Variants in DOK7 observed in about 807,000 individuals in gnomAD.
The protein encoded by DOK7 is docking protein 7.
A neutral mutation model predicts 30.7 loss-of-function variants in DOK7; 32 were observed. The ratio of observed to expected loss-of-function variants is 1.04; its 90% CI spans 0.79 to 1.40. DOK7 has a LOEUF of 1.40. Ranked by LOEUF, DOK7 falls within the 40% of genes most tolerant of loss-of-function variation. The pLI, the probability that DOK7 is intolerant of heterozygous loss-of-function variation, is 0.00. For synonymous variants in DOK7, 447 were observed against 324.1 expected (o/e 1.38, Z -4.07); for missense variants, 1,007 against 699.2 (o/e 1.44, Z -4.97).
intron 3 of DOK7, 142 bp from the exon 4 acceptor site, chr4:3,476,200 A>G (rs1345537359): frequency 5.1e-6 from 1 of 195,586 alleles, no homozygotes; most frequent in African/African-American, 9.9e-5. Flanking sequence ...CTCTCACCTC[A>G]CCCGCCCATG....
At position 3,489,539 on chromosome 4, in the gene DOK7, A is replaced by G. The variant is rs116124630; in HGVS notation, c.653-138A>G. ...TGAGGGCCAGCCTCTGGGATGAGGCATCGGGAGGAGCGGGGACTCCCAGGG... is the reference window on the plus strand; with the variant it reads ...TGAGGGCCAGCCTCTGGGATGAGGCGTCGGGAGGAGCGGGGACTCCCAGGG... On this transcript the variant is annotated intron_variant, in intron 5 of 6. Coordinates refer to ENST00000340083, the MANE Select transcript of DOK7 (RefSeq NM_173660.5). 3,593 of 1,391,838 alleles carry G rather than the reference A, an allele frequency of 2.6e-3. 66 individuals carry two copies. In the African/African-American group the frequency reaches 0.04, roughly 16 times the overall value. 86.2% of individuals were successfully genotyped at this position (1,391,838 alleles called of 1,614,324 possible).
intron 5 of DOK7, among the ~76,000 whole-genome samples, chr4:3,485,898 G>T (rs944963964): frequency 1.3e-5 from 2 of 152,168 alleles, no homozygotes; most frequent in Admixed American, 1.3e-4. Context: ...TCGGGGGTCC[G>T]AGCTGTTGGA....
chr4:3,485,938 A>ACAGT (rs1727754843), intron 5 of DOK7, among the ~76,000 whole-genome samples: 2 of 152,098 alleles, frequency 1.3e-5, no homozygotes, highest in Non-Finnish European at 2.9e-5. Context: ...TCTGGCTGGG[A>ACAGT]CAGTCAGCCA....
intron 4 of DOK7, among the ~76,000 whole-genome samples, chr4:3,484,285 G>A (rs1025465295): frequency 1.4e-4 from 22 of 152,296 alleles, no homozygotes; most frequent in Admixed American, 1.2e-3. Context: ...CGGCAGCGTC[G>A]CCACGTGTCG....
chr4:3,481,532 G>A (rs1158837092), intron 4 of DOK7, among the ~76,000 whole-genome samples: 1 of 152,066 alleles, frequency 6.6e-6, no homozygotes, highest in Non-Finnish European at 1.5e-5. Context: ...CAGGCTCCAG[G>A]CCTTCCTCCA....
intron 4 of DOK7, among the ~76,000 whole-genome samples, chr4:3,481,057 T>G (rs1400970741): frequency 2.0e-5 from 3 of 151,526 alleles, no homozygotes; most frequent in African/African-American, 7.3e-5. Context: ...TGAGCACGAA[T>G]GGGTGTCCCG....
downstream of DOK7, among the ~76,000 whole-genome samples, chr4:3,499,280 G>C (rs1476595162): frequency 6.6e-6 from 1 of 152,224 alleles, no homozygotes; most frequent in Non-Finnish European, 1.5e-5. Context: ...GAGTGTGCTG[G>C]GGGTGGGGAG....
chr4:3,492,726 C>T (rs781401847), intron 6 of DOK7, 33 bp from the exon 7 acceptor site: 4 of 1,611,030 alleles, frequency 2.5e-6, no homozygotes, highest in Non-Finnish European at 3.4e-6. Flanking sequence ...CCCTGTACCC[C>T]CACAACTGCC....
At position 3,481,724 on chromosome 4, in the gene DOK7, C is replaced by G. The variant is rs145465496; in HGVS notation, c.533-3815C>G. On this transcript the variant is annotated intron_variant, in intron 4 of 6. Transcript: ENST00000340083. ...TTCTCTGAGGAGCTGGGATTATGAG[C>G]ACTTAAGATTCTGACATCAAGGGGC... Among the ~76,000 whole-genome samples the G allele has an allele frequency of 8.3e-4, 127 of 152,326 alleles. 1 individual carries two copies. Among genetic ancestry groups the G allele is most frequent in the African/African-American group, 2.9e-3 (122 of 41,568 alleles).
intron 6 of DOK7, among the ~76,000 whole-genome samples, chr4:3,490,817 ATTCCTGCCTTCCCCCCATTCATTCC>A (rs1265705356): frequency 7.0e-5 from 3 of 42,818 alleles, no homozygotes; most frequent in African/African-American, 1.1e-4. Flanking sequence ...CCGCTCATTC[ATTCCTGCCTTCCCCCCATTCATTCC>A]TTCCTTCCCC....
intron 5 of DOK7, among the ~76,000 whole-genome samples, chr4:3,488,680 G>C (rs949673907): frequency 1.3e-5 from 2 of 152,168 alleles, no homozygotes; most frequent in Non-Finnish European, 2.9e-5. Context: ...GACCTGTTTC[G>C]GCTCAGTCCT....
chr4:3,491,195 ATTCCTTCCCCCCTGCTCATTCC>A (rs1365565993), intron 6 of DOK7, among the ~76,000 whole-genome samples: 1 of 13,580 alleles, frequency 7.4e-5, no homozygotes, highest in African/African-American at 2.0e-4. Flanking sequence ...CCCCCTGCTC[ATTCCTTCCCCCCTGCTCATTCC>A]TTCCTTCTCC....
rs1481274738 is a variant in DOK7 at position 3,494,181 on chromosome 4, A to C, written c.*680A>C. 3.0e-6 allele frequency: 3 copies of C among 985,358 alleles called. No homozygotes were observed. Among genetic ancestry groups the C allele is most frequent in the Non-Finnish European group, 3.6e-6 (3 of 829,980 alleles). The allele number at this position is 985,358 out of a possible 1,614,324, so 61.0% of individuals were successfully genotyped here. ...CCTCGCCTGCTGACCCCACTGGGAG[A>C]GGCGCCGTGCCTCGGGCCCCTGGTG... On this transcript the variant is annotated 3_prime_UTR_variant, in exon 7 of 7. Transcript: ENST00000340083.
At chr4:3,487,093 G>C (rs1423753284) in intron 5 of DOK7, among the ~76,000 whole-genome samples, 1 of 152,190 alleles carries the variant, frequency 6.6e-6, no homozygotes, top group Non-Finnish European at 1.5e-5. Context: ...AGAAGTCCCA[G>C]ACCCCACTCC....
At chr4:3,494,698 T>C (rs1015117967), downstream of DOK7, among the ~76,000 whole-genome samples, 1 of 152,184 alleles carries the variant, frequency 6.6e-6, no homozygotes, top group African/African-American at 2.4e-5. Flanking sequence ...TGTGCATGTG[T>C]GGTGTGTGCA....
intron 6 of DOK7, among the ~76,000 whole-genome samples, chr4:3,491,533 C>T (rs1330237183): frequency 1.9e-4 from 3 of 16,086 alleles, no homozygotes; most frequent in African/African-American, 2.9e-4. Context: ...TCATTCATTT[C>T]TTCCTTCTCC....
chr4:3,496,935 C>A, downstream of DOK7: 4 of 1,020,900 alleles, frequency 3.9e-6, no homozygotes, highest in Non-Finnish European at 5.4e-6. Flanking sequence ...CAGATGGCAG[C>A]CAGAGTTTGA....
intron 5 of DOK7, among the ~76,000 whole-genome samples, chr4:3,488,467 C>T (rs1243493738): frequency 6.6e-6 from 1 of 152,216 alleles, no homozygotes; most frequent in Non-Finnish European, 1.5e-5. Flanking sequence ...CCATTGCTTT[C>T]TCTGTTTGTT....
intron 2 of DOK7, among the ~76,000 whole-genome samples, chr4:3,467,862 C>A (rs73195119): frequency 6.6e-6 from 1 of 152,054 alleles, no homozygotes; most frequent in Non-Finnish European, 1.5e-5. Flanking sequence ...GCATAGGTGG[C>A]GCTTTCTCTG....
Sources: allele counts gnomAD v4.1 joint callset (sites outside exome capture counted in the v4.1 genomes callset), GRCh38; gene constraint gnomAD v4.1.1; transcripts MANE v1.5; gene names NCBI Gene and HGNC (gene_info 2026-07-23, HGNC 2026-07-21).